LHFPL6: variants seen among roughly 807,000 people sequenced by gnomAD.
LHFPL6 encodes the protein LHFPL tetraspan subfamily member 6.
A neutral mutation model predicts 20.6 loss-of-function variants in LHFPL6; 9 were observed. The ratio of observed to expected loss-of-function variants is 0.44; its 90% CI spans 0.26 to 0.76. The LOEUF (loss-of-function observed/expected upper bound fraction) is 0.76. Ranked by LOEUF, LHFPL6 falls within the 30% of genes least tolerant of loss-of-function variation. The pLI is 0.20. For synonymous variants in LHFPL6, 105 were observed against 98.7 expected, an observed-to-expected ratio of 1.06 and a Z score of -0.38; for missense variants, 218 against 253.5, an observed-to-expected ratio of 0.86 and a Z score of 0.95.
At chr13:39,359,022 C>T (rs949632522) in intron 3 of LHFPL6, among the ~76,000 whole-genome samples, 4 of 150,860 alleles carry the variant, frequency 2.7e-5, no homozygotes, top group Admixed American at 2.6e-4. Flanking sequence ...AATACAAAAT[C>T]AGCAGGGCGG....
chr13:39,387,294 A>T (rs532616101), intron 2 of LHFPL6, among the ~76,000 whole-genome samples: 22 of 152,176 alleles, frequency 1.4e-4, no homozygotes, highest in Non-Finnish European at 2.9e-4. Context: ...CACGCCTGTA[A>T]TCCCAGCACT....
At chr13:39,562,441 TATATACAC>T (rs1555268246) in intron 2 of LHFPL6, among the ~76,000 whole-genome samples, 1 of 99,168 alleles carries the variant, frequency 1.0e-5, no homozygotes, top group Non-Finnish European at 2.1e-5. Flanking sequence ...CATATATACA[TATATACAC>T]ATATATACAT....
At chr13:39,515,977 T>C (rs755141010) in intron 2 of LHFPL6, among the ~76,000 whole-genome samples, 1 of 152,232 alleles carries the variant, frequency 6.6e-6, no homozygotes, top group Non-Finnish European at 1.5e-5. Context: ...CCCTTCTCTT[T>C]ATTCATGGTA....
chr13:39,477,972 C>T (rs1280570213), intron 2 of LHFPL6, among the ~76,000 whole-genome samples: 1 of 152,182 alleles, frequency 6.6e-6, no homozygotes, highest in Non-Finnish European at 1.5e-5. Context: ...TAGAAGGTTA[C>T]AAGCCAAGTT....
intron 3 of LHFPL6, among the ~76,000 whole-genome samples, chr13:39,373,332 G>A (rs1027879051): frequency 5.3e-5 from 8 of 152,156 alleles, no homozygotes; most frequent in African/African-American, 1.7e-4. Flanking sequence ...GGTCAGAGGG[G>A]GCTGTCAGAG....
At chr13:39,583,874 G>T (rs541392599) in intron 2 of LHFPL6, among the ~76,000 whole-genome samples, 77 of 152,046 alleles carry the variant, frequency 5.1e-4, no homozygotes, top group Middle Eastern at 3.4e-3. Flanking sequence ...CGTGTCCTCC[G>T]GTCTAGTGTG....
Position 39,466,947 on chromosome 13 carries a change from T to C in LHFPL6, c.386-88421A>G, listed in dbSNP as rs548050764. ...TTATTCATCTATTTGCTTTGTTCTA[T>C]AAAGTCTTACATTATTTTGTATACA... On this transcript the variant is annotated intron_variant, in intron 2 of 3. Transcript: ENST00000379589. Among the ~76,000 whole-genome samples the C allele has an allele frequency of 3.9e-5, 6 of 152,360 alleles. No homozygotes were observed. The South Asian group carries it at 8.3e-4, about 21-fold the overall frequency.
intron 2 of LHFPL6, among the ~76,000 whole-genome samples, chr13:39,499,744 A>G (rs1869229459): frequency 6.6e-6 from 1 of 152,192 alleles, no homozygotes; most frequent in Non-Finnish European, 1.5e-5. Flanking sequence ...GTAAGAAGAG[A>G]CCCATAAATC....
At chr13:39,472,026 G>C (rs576452457) in intron 2 of LHFPL6, among the ~76,000 whole-genome samples, 3 of 152,260 alleles carry the variant, frequency 2.0e-5, no homozygotes, top group Admixed American at 6.5e-5. Context: ...AAATACTCCA[G>C]ACAGGTATTC....
intron 2 of LHFPL6, among the ~76,000 whole-genome samples, chr13:39,561,898 C>A (rs931606103): frequency 2.6e-5 from 4 of 152,154 alleles, no homozygotes; most frequent in African/African-American, 9.7e-5. Flanking sequence ...AAACTATTAT[C>A]TCTATGTAAT....
rs144398808 is a variant in LHFPL6, at chr13:39,575,052, A to G, written c.385+25780T>C. Among the ~76,000 whole-genome samples the G allele has an allele frequency of 1.7e-3, 252 of 152,170 alleles. 3 individuals are homozygous for G. Among genetic ancestry groups the G allele is most frequent in the African/African-American group, 5.9e-3 (247 of 41,514 alleles). On this transcript the variant is annotated intron_variant, in intron 2 of 3. Transcript: ENST00000379589. ...CGCTACTGCACTTTGGCCTCGCGAC[A>G]GAGCAAACTCCATCTCAAGAAAAAA...
At chr13:39,406,862 A>G (rs1871123645) in intron 2 of LHFPL6, among the ~76,000 whole-genome samples, 1 of 152,224 alleles carries the variant, frequency 6.6e-6, no homozygotes, top group South Asian at 2.1e-4. Flanking sequence ...CAAATGTTCA[A>G]CCACTGGGAG....
chr13:39,569,985 A>G (rs948004232), intron 2 of LHFPL6, among the ~76,000 whole-genome samples: 3 of 152,202 alleles, frequency 2.0e-5, no homozygotes, highest in Non-Finnish European at 4.4e-5. Flanking sequence ...GAAGAAAAGG[A>G]AATTCTTACA....
At chr13:39,376,041 C>T (rs9548748) in intron 3 of LHFPL6, among the ~76,000 whole-genome samples, 78,224 of 152,002 alleles carry the variant, frequency 0.51, 20,973 homozygotes, top group Admixed American at 0.64. Flanking sequence ...TATTTTTCAA[C>T]GTTTAGTTTG....
At chr13:39,382,024 GT>G (rs2138363147) in intron 2 of LHFPL6, among the ~76,000 whole-genome samples, 1 of 152,212 alleles carries the variant, frequency 6.6e-6, no homozygotes, top group Non-Finnish European at 1.5e-5. Flanking sequence ...CCTAAATTAG[GT>G]TTTCTACTAA....
chr13:39,350,757 A>G (rs9315676), intron 3 of LHFPL6, among the ~76,000 whole-genome samples: 5,500 of 152,306 alleles, frequency 0.036, 155 homozygotes, highest in Non-Finnish European at 0.059. Flanking sequence ...GACAGATAAA[A>G]TAGAGGTTAA....
intron 3 of LHFPL6, among the ~76,000 whole-genome samples, chr13:39,348,137 A>C (rs899656824): frequency 6.6e-6 from 1 of 152,192 alleles, no homozygotes; most frequent in African/African-American, 2.4e-5. Flanking sequence ...AGAAGTCAAT[A>C]AAATAGCAGA....
chr13:39,405,067 G>C (rs1249628522), intron 2 of LHFPL6, among the ~76,000 whole-genome samples: 6 of 152,164 alleles, frequency 3.9e-5, no homozygotes, highest in African/African-American at 7.2e-5. Context: ...TAACATAAGA[G>C]AGCTGGATAA....
At chr13:39,560,876 C>T (rs746715518) in intron 2 of LHFPL6, among the ~76,000 whole-genome samples, 87 of 152,210 alleles carry the variant, frequency 5.7e-4, no homozygotes, top group Non-Finnish European at 7.9e-4. Flanking sequence ...TTTGTCATGT[C>T]CACTATAACC....
Sources: allele counts gnomAD v4.1 joint callset (sites outside exome capture counted in the v4.1 genomes callset), GRCh38; gene constraint gnomAD v4.1.1; transcripts MANE v1.5; gene names NCBI Gene and HGNC (gene_info 2026-07-23, HGNC 2026-07-21).